The following CCDC6 variants were observed in gnomAD, a reference collection of about 807,000 sequenced individuals.
CCDC6 encodes coiled-coil domain containing 6, also known as coiled-coil domain-containing protein 6.
In CCDC6, 20 loss-of-function variants were observed where a neutral mutation model predicts 56.6. The ratio of observed to expected loss-of-function variants is 0.35; its 90% CI spans 0.25 to 0.51. CCDC6 has a LOEUF of 0.51. Among genes scored for constraint, CCDC6 ranks in the 20% least tolerant of loss-of-function variants. The pLI, the probability that CCDC6 is intolerant of heterozygous loss-of-function variation, is 0.95. For missense variants in CCDC6, 367 were observed against 601.1 expected, an observed-to-expected ratio of 0.61 and a Z score of 4.07; for synonymous variants, 241 against 234.4, an observed-to-expected ratio of 1.03 and a Z score of -0.26.
intron 3 of CCDC6, among the ~76,000 whole-genome samples, chr10:59,828,436 T>C (rs2070807203): frequency 6.6e-6 from 1 of 152,202 alleles, no homozygotes; most frequent in South Asian, 2.1e-4. Flanking sequence ...GCTAAATAAA[T>C]GCCAAAAAGG....
chr10:59,801,259 A>T (rs12569631), intron 7 of CCDC6, among the ~76,000 whole-genome samples: 30,044 of 152,266 alleles, frequency 0.2, 3,631 homozygotes, highest in Middle Eastern at 0.28. Context: ...CACACAAGTT[A>T]TATATGAAAA....
At chr10:59,831,287 C>T (rs905471016) in intron 3 of CCDC6, among the ~76,000 whole-genome samples, 4 of 152,188 alleles carry the variant, frequency 2.6e-5, no homozygotes, top group African/African-American at 9.6e-5. Context: ...GATGACAACA[C>T]TTTTAGGGTC....
chr10:59,799,756 G>T (rs988889252), intron 7 of CCDC6, among the ~76,000 whole-genome samples: 2 of 151,902 alleles, frequency 1.3e-5, no homozygotes, highest in Non-Finnish European at 2.9e-5. Context: ...AAAGACCACA[G>T]AGTCTAGAGT....
At chr10:59,883,545 A>G (rs191805826) in intron 1 of CCDC6, among the ~76,000 whole-genome samples, 10 of 152,324 alleles carry the variant, frequency 6.6e-5, no homozygotes, top group African/African-American at 2.4e-4. Flanking sequence ...CTATCAGCTG[A>G]ACTTATGTCA....
chr10:59,900,204 T>TG (rs370387702), intron 1 of CCDC6, among the ~76,000 whole-genome samples: 26 of 149,696 alleles, frequency 1.7e-4, no homozygotes, highest in Middle Eastern at 3.4e-3. Context: ...TGACGTGGGG[T>TG]GGGGGGGGTG....
chr10:59,807,031 C>T lies in CCDC6; in HGVS notation c.895G>A (p.Glu299Lys), dbSNP rs144848013. The T allele has an allele frequency of 6.2e-7, 1 of 1,613,968 alleles. No homozygotes were observed. The highest frequency in any genetic ancestry group is 8.5e-7 in the Non-Finnish European group (1 of 1,179,952). The change falls in exon 6 of 9, where the codon GAA becomes AAA. Residue 299 changes from glutamate (E) to lysine (K), a missense_variant. Around this residue, in one of 7 missense-constraint regions of CCDC6, gnomAD observed 81 missense variants for 150.8 expected, o/e 0.54. Coordinates refer to ENST00000263102, the MANE Select transcript of CCDC6 (RefSeq NM_005436.5). ...QYLEEERHMR[E>K]ENLRLQRKLQ... ...TTCCTCTGGAGCCTCAAGTTCTCTTCTCTCATGTGACGTTCCTCCTCCAGA... is the reference window on the plus strand; with the variant it reads ...TTCCTCTGGAGCCTCAAGTTCTCTTTTCTCATGTGACGTTCCTCCTCCAGA...
intron 1 of CCDC6, among the ~76,000 whole-genome samples, chr10:59,885,336 A>G (rs535367191): frequency 6.6e-6 from 1 of 152,206 alleles, no homozygotes; most frequent in Non-Finnish European, 1.5e-5. Flanking sequence ...CATCCTAATG[A>G]AAAACTGTAA....
intron 1 of CCDC6, among the ~76,000 whole-genome samples, chr10:59,895,803 T>A (rs142991343): frequency 9.3e-4 from 141 of 152,302 alleles, no homozygotes; most frequent in African/African-American, 3.0e-3. Flanking sequence ...CCTGAGGGCG[T>A]TGGATCACAC....
intron 1 of CCDC6, among the ~76,000 whole-genome samples, chr10:59,900,570 G>T (rs920995491): frequency 1.5e-4 from 23 of 152,138 alleles, no homozygotes; most frequent in African/African-American, 5.6e-4. Flanking sequence ...CCACCAGAAG[G>T]TTCACCTGGA....
chr10:59,875,862 G>C (rs185468144), intron 1 of CCDC6, among the ~76,000 whole-genome samples: 1 of 152,014 alleles, frequency 6.6e-6, no homozygotes, highest in Admixed American at 6.6e-5. Flanking sequence ...CCCAGCCCAA[G>C]CCTGCCACAT....
intron 2 of CCDC6, among the ~76,000 whole-genome samples, chr10:59,840,412 T>C (rs750947911): frequency 1.1e-4 from 16 of 152,248 alleles, no homozygotes; most frequent in Non-Finnish European, 5.9e-5. Flanking sequence ...TCATTACATA[T>C]GGTGCATATC....
At chr10:59,883,700 A>T (rs1440559192) in intron 1 of CCDC6, among the ~76,000 whole-genome samples, 1 of 152,214 alleles carries the variant, frequency 6.6e-6, no homozygotes, top group East Asian at 1.9e-4. Context: ...ATTGGAGTCA[A>T]CTCAACTGAT....
In CCDC6 at chr10:59,849,202, G is replaced by A. The variant is rs150660843; in HGVS notation, c.453+3351C>T. ...AACAATGTCTCACCAATCAGGTAGT[G>A]AATCCCATGGCCTGGGCTCAGAAAG... is the stretch of plus-strand genomic sequence containing the variant. On this transcript the variant is annotated intron_variant, in intron 2 of 8. Transcript: ENST00000263102. Among the ~76,000 whole-genome samples, 163 of 152,326 alleles carry A rather than the reference G, an allele frequency of 1.1e-3. 4 individuals are homozygous for A. The East Asian group carries it at 0.02, about 19-fold the overall frequency.
rs533653138 is a variant in CCDC6, at chr10:59,860,368, T to C, written c.304-7666A>G. On this transcript the variant is annotated intron_variant, in intron 1 of 8. Transcript: ENST00000263102. ...GAATGCTGTGGAGACCCTATCTCCA[T>C]GACCCAGGTACCAGGGCCTACCTTA... is the stretch of plus-strand genomic sequence containing the variant. Among the ~76,000 whole-genome samples the C allele has an allele frequency of 4.6e-5, 7 of 152,298 alleles. No homozygotes were observed. In the South Asian group the frequency reaches 1.5e-3, roughly 32 times the overall value.
intron 3 of CCDC6, among the ~76,000 whole-genome samples, chr10:59,831,656 C>A (rs1176143397): frequency 1.3e-5 from 2 of 152,222 alleles, no homozygotes; most frequent in Non-Finnish European, 2.9e-5. Flanking sequence ...AGTACACTAG[C>A]ATCAGCCTCT....
At chr10:59,861,431 C>CAAAAAAAAAAAAA (rs2071127497) in intron 1 of CCDC6, among the ~76,000 whole-genome samples, 1 of 55,044 alleles carries the variant, frequency 1.8e-5, no homozygotes, top group African/African-American at 8.7e-5. Flanking sequence ...TCAAAAATTA[C>CAAAAAAAAAAAAA]CAAAAAAAAA....
rs551320650 is a variant in CCDC6, at chr10:59,815,997, C to T, written c.583-1242G>A. On this transcript the variant is annotated intron_variant, in intron 3 of 8. Coordinates refer to ENST00000263102, the MANE Select transcript of CCDC6 (RefSeq NM_005436.5). ...TGACATTCCCCTTTCTGAAACTCTT[C>T]GTAGCTTAGTCTTAAGAAGCAACAA... is the stretch of plus-strand genomic sequence containing the variant. 2.6e-5 allele frequency among the ~76,000 whole-genome samples: 4 copies of T among 152,286 alleles called. No individual in the cohort carries two copies. The East Asian group carries it at 5.8e-4, about 22-fold the overall frequency.
chr10:59,812,575 A>G (rs1469947473), intron 5 of CCDC6, 60 bp downstream of exon 5: 49 of 1,174,294 alleles, frequency 4.2e-5, no homozygotes, highest in Non-Finnish European at 5.4e-5. Flanking sequence ...GTAATACCCT[A>G]TATTTGGTAA....
intron 1 of CCDC6, among the ~76,000 whole-genome samples, chr10:59,862,332 C>CA: frequency 6.6e-6 from 1 of 151,458 alleles, no homozygotes. Context: ...GCTAAAAACA[C>CA]AAAAAATTAA....
Sources: gnomAD v4.1 joint callset for allele counts (sites outside exome capture counted in the v4.1 genomes callset) on GRCh38, gnomAD v4.1.1 for gene constraint, gnomAD v4.1.1 regional missense constraint, MANE v1.5 for transcripts, NCBI Gene and HGNC (gene_info 2026-07-23, HGNC 2026-07-21) for gene names.